COL4A1: variants seen among roughly 807,000 people sequenced by gnomAD.
The protein encoded by COL4A1 is collagen alpha-1(IV) chain.
In COL4A1, 40 loss-of-function variants were observed where a neutral mutation model predicts 216.6. The observed-to-expected ratio is 0.18, with a 90% CI of 0.14 to 0.24. The LOEUF (loss-of-function observed/expected upper bound fraction) is 0.24, where lower values mean the gene tolerates loss of function less well. COL4A1 is among the 10% of genes least tolerant of loss of function. The pLI, the probability that COL4A1 is intolerant of heterozygous loss-of-function variation, is 1.00. For synonymous variants in COL4A1, 839 were observed against 810.7 expected (o/e 1.03, Z -0.59); for missense variants, 1,628 against 2,196.8 (o/e 0.74, Z 5.18).
intron 1 of COL4A1, among the ~76,000 whole-genome samples, chr13:110,257,965 C>A (rs1189108536): frequency 6.6e-6 from 1 of 152,146 alleles, no homozygotes; most frequent in East Asian, 1.9e-4. Flanking sequence ...TTCCATGTCC[C>A]TGGTCCTTCC....
chr13:110,219,870 G>GTATATATGTATATATATGTGTGTA lies in COL4A1; in HGVS notation c.145-5879_145-5856dup, dbSNP rs1555307993. Among the ~76,000 whole-genome samples, 46 of 103,402 alleles carry GTATATATGTATATATATGTGTGTA rather than the reference G, an allele frequency of 4.4e-4. No individual in the cohort carries two copies. In the South Asian group the frequency reaches 7.3e-3, roughly 16 times the overall value. 67.8% of individuals were successfully genotyped at this position (103,402 alleles called of 152,430 possible). A position where few individuals can be genotyped will look rare whatever the true frequency, so the allele number is the denominator to read the frequency against. On this transcript the variant is annotated intron_variant, in intron 2 of 51. Transcript: ENST00000375820. Reference sequence around the variant, plus strand: ...TGTATATATATGTATATATGTGTGTGTATATATGTATATATATGTGTGTAT... The same window carrying GTATATATGTATATATATGTGTGTA: ...TGTATATATATGTATATATGTGTGTGTATATATGTATATATATGTGTGTATATATATGTATATATATGTGTGTAT...
chr13:110,184,797 G>A (rs558019300), intron 26 of COL4A1, among the ~76,000 whole-genome samples: 5 of 152,038 alleles, frequency 3.3e-5, no homozygotes, highest in Non-Finnish European at 7.3e-5. Context: ...TGCAACCTCC[G>A]CCTCCTGGAT....
intron 1 of COL4A1, among the ~76,000 whole-genome samples, chr13:110,291,234 A>G (rs1048949115): frequency 1.3e-5 from 2 of 152,224 alleles, no homozygotes; most frequent in Admixed American, 6.5e-5. Flanking sequence ...CTCTTTGATC[A>G]TCTTCACGTT....
chr13:110,267,322 C>T (rs1015567806), intron 1 of COL4A1, among the ~76,000 whole-genome samples: 20 of 152,168 alleles, frequency 1.3e-4, no homozygotes, highest in African/African-American at 4.8e-4. Context: ...CCAAGAAGGA[C>T]AGAGGGAGAA....
chr13:110,200,789 T>G, intron 20 of COL4A1, 65 bp downstream of exon 20: 5 of 1,476,064 alleles, frequency 3.4e-6, no homozygotes, highest in Non-Finnish European at 4.7e-6. Context: ...AAATTATATA[T>G]TCAGAATATA....
At chr13:110,160,449 C>CAAAAAAAA (rs71127918) in intron 49 of COL4A1, among the ~76,000 whole-genome samples, 5 of 108,170 alleles carry the variant, frequency 4.6e-5, no homozygotes, top group African/African-American at 1.7e-4. Context: ...GACTCCGTCT[C>CAAAAAAAA]AAAAAAAAAA....
chr13:110,246,820 T>A (rs1439059856), intron 1 of COL4A1, among the ~76,000 whole-genome samples: 1 of 152,138 alleles, frequency 6.6e-6, no homozygotes, highest in Non-Finnish European at 1.5e-5. Context: ...TGTTCTAGGG[T>A]CAATGAGTTC....
rs370558955 is a variant in COL4A1 at position 110,174,690 on chromosome 13, G to A, written c.3258C>T (p.Ser1086=). 32 of 1,613,538 alleles carry A rather than the reference G, an allele frequency of 2.0e-5. No individual in the cohort carries two copies. Among genetic ancestry groups the A allele is most frequent in the African/African-American group, 4.0e-5 (3 of 74,914 alleles). ...GSPGEKGEKG[S]IGIPGMPGSP... is the part of the protein sequence containing the mutation. ...ACCCTGGCATTCCTGGGATCCCAAT[G>A]CTTCCTTTTTCTCCCTTCTCTCCAG... is the stretch of plus-strand genomic sequence containing the variant. The change falls in exon 38 of 52, where the codon AGC becomes AGT. Residue 1086 remains serine (S), a synonymous_variant. Coordinates refer to ENST00000375820, the MANE Select transcript of COL4A1 (RefSeq NM_001845.6).
At chr13:110,241,699 A>G (rs972135400) in intron 2 of COL4A1, among the ~76,000 whole-genome samples, 1 of 152,244 alleles carries the variant, frequency 6.6e-6, no homozygotes, top group Non-Finnish European at 1.5e-5. Context: ...CCTATCAGGC[A>G]TATTTTTTAA....
intron 20 of COL4A1, among the ~76,000 whole-genome samples, chr13:110,200,456 A>C (rs1879134401): frequency 6.6e-6 from 1 of 152,084 alleles, no homozygotes; most frequent in South Asian, 2.1e-4. Flanking sequence ...TCCCAGAGAG[A>C]GGGGAAAGTG....
In COL4A1 at chr13:110,177,582, C is replaced by A. The variant is rs56896070; in HGVS notation, c.2716+260G>T. Among the ~76,000 whole-genome samples the A allele has an allele frequency of 0.015, 2,284 of 152,236 alleles. 61 individuals carry two copies. Among genetic ancestry groups the A allele is most frequent in the African/African-American group, 0.053 (2,202 of 41,548 alleles). On this transcript the variant is annotated intron_variant, in intron 33 of 51. Transcript: ENST00000375820. ...TGGCTGAAGATTCCACCATTTCTCA[C>A]AAGAAGAATCTCATCTGTGCCAAGA...
chr13:110,219,782 GTA>G (rs1406322420), intron 2 of COL4A1, among the ~76,000 whole-genome samples: 12 of 120,918 alleles, frequency 9.9e-5, no homozygotes, highest in Non-Finnish European at 1.6e-4. Flanking sequence ...ATATATATGC[GTA>G]TATATGTGTA....
intron 2 of COL4A1, among the ~76,000 whole-genome samples, chr13:110,241,457 G>A (rs759147152): frequency 3.9e-5 from 6 of 152,202 alleles, no homozygotes; most frequent in Admixed American, 6.5e-5. Flanking sequence ...TATGAGTTTG[G>A]TGAACTCACT....
chr13:110,159,141 G>A (rs1214321605), intron 49 of COL4A1, among the ~76,000 whole-genome samples: 1 of 152,132 alleles, frequency 6.6e-6, no homozygotes, highest in Non-Finnish European at 1.5e-5. Context: ...TTCCTATCAG[G>A]GAGGCTCCTG....
rs1877917351 is a variant in COL4A1, at chr13:110,176,960, G to A, written c.2794C>T (p.Pro932Ser). Residue 932 changes from proline to serine, a missense_variant, in exon 34 of 52, where the codon CCT (proline) becomes TCT (serine). By Grantham distance (74) the Pro-to-Ser change is moderately conservative. Transcript: ENST00000375820. ...TTATCCATGGAGCCAGGCTTGCCAGGGAGACCGACATCCCCCTTATCACCT... is the reference window on the plus strand; with the variant it reads ...TTATCCATGGAGCCAGGCTTGCCAGAGAGACCGACATCCCCCTTATCACCT... ...LKGDKGDVGL[P>S]GKPGSMDKVD... The A allele has an allele frequency of 6.2e-7, 1 of 1,614,126 alleles. No homozygotes were observed. The highest frequency in any genetic ancestry group is 1.3e-5 in the African/African-American group (1 of 75,016).
intron 20 of COL4A1, 83 bp downstream of exon 20, chr13:110,200,771 T>A: frequency 7.1e-7 from 1 of 1,402,220 alleles, no homozygotes; most frequent in Non-Finnish European, 1.0e-6. Flanking sequence ...ATATCTAACA[T>A]TCGTGATAAA....
rs757119567 is a variant in COL4A1 at position 110,183,045 on chromosome 13, C to G, written c.2043G>C (p.Lys681Asn). The G allele has an allele frequency of 1.9e-6, 3 of 1,613,348 alleles. No individual in the cohort carries two copies. Among genetic ancestry groups the G allele is most frequent in the African/African-American group, 2.7e-5 (2 of 74,930 alleles). ...TPGRPGLPGEKGAVGQPGIGF... is the reference protein window; with the variant it reads ...TPGRPGLPGENGAVGQPGIGF... Reference sequence around the variant, plus strand: ...CAATGCCTGGCTGGCCCACAGCGCCCTTCTCTCCTGGCAGGCCTGGCCTTC... The same window carrying G: ...CAATGCCTGGCTGGCCCACAGCGCCGTTCTCTCCTGGCAGGCCTGGCCTTC... The change falls in exon 28 of 52, where the codon AAG becomes AAC. Residue 681 changes from lysine (K) to asparagine (N), a missense_variant. Lys to Asn is a moderately conservative substitution (Grantham distance 94, BLOSUM62 0). Coordinates refer to ENST00000375820, the MANE Select transcript of COL4A1 (RefSeq NM_001845.6).
chr13:110,228,243 G>GT (rs1276196505), intron 2 of COL4A1, among the ~76,000 whole-genome samples: 1 of 149,634 alleles, frequency 6.7e-6, no homozygotes, highest in Non-Finnish European at 1.5e-5. Context: ...GGGGCGGGGG[G>GT]GGGGTCTACA....
chr13:110,235,464 CAG>C (rs780436518), intron 2 of COL4A1, among the ~76,000 whole-genome samples: 7 of 152,022 alleles, frequency 4.6e-5, no homozygotes, highest in Non-Finnish European at 1.0e-4. Flanking sequence ...TCCTGGCTAA[CAG>C]GGTGAAACCC....
Sources: allele counts gnomAD v4.1 joint callset (sites outside exome capture counted in the v4.1 genomes callset), GRCh38; gene constraint gnomAD v4.1.1; transcripts MANE v1.5; gene names NCBI Gene and HGNC (gene_info 2026-07-23, HGNC 2026-07-21).